The following LIMS4 variants were observed in gnomAD, a reference collection of about 807,000 sequenced individuals.
The protein encoded by LIMS4 is LIM and senescent cell antigen-like-containing domain protein 4.
chr2:110,387,960 CAAATTA>C, the LIMS4 span: 8 of 149,044 alleles, frequency 5.4e-5, no homozygotes, highest in Non-Finnish European at 1.0e-4. Flanking sequence ...TTTTCAGGAT[CAAATTA>C]AACACAACAA....
At chr2:110,425,023 C>G in the LIMS4 span, among the ~76,000 whole-genome samples, 65 of 143,566 alleles carry the variant, frequency 4.5e-4, 9 homozygotes, top group Admixed American at 3.4e-3. Context: ...TTTGCGGAAG[C>G]TTTATTCTTT....
chr2:110,411,185 C>T, the LIMS4 span, among the ~76,000 whole-genome samples: 1 of 66,486 alleles, frequency 1.5e-5, no homozygotes, highest in African/African-American at 7.2e-5. Context: ...AGATTACAGG[C>T]GTGACCCACA....
At chr2:110,360,686 C>G in the LIMS4 span, 1 of 1,601,050 alleles carries the variant, frequency 6.2e-7, no homozygotes, top group East Asian at 2.2e-5. Flanking sequence ...AAGGCAGCTT[C>G]AGTTTCAAAA....
the LIMS4 span, chr2:110,360,939 C>T: frequency 3.2e-5 from 49 of 1,516,104 alleles, 1 homozygote; most frequent in Admixed American, 5.4e-4. Flanking sequence ...GGGATGTGTT[C>T]GTGGAACTGC....
chr2:110,367,073 C>T, the LIMS4 span, among the ~76,000 whole-genome samples: 1 of 150,896 alleles, frequency 6.6e-6, no homozygotes, highest in African/African-American at 2.5e-5. Context: ...GAAATCAGAG[C>T]TGACCCAAAC....
the LIMS4 span, chr2:110,361,905 A>G: frequency 7.0e-7 from 1 of 1,435,330 alleles, no homozygotes; most frequent in Non-Finnish European, 9.7e-7. Context: ...AAGACTTCAC[A>G]GTGAGAACCT....
chr2:110,371,195 C>T, the LIMS4 span, among the ~76,000 whole-genome samples: 24 of 101,730 alleles, frequency 2.4e-4, no homozygotes, highest in South Asian at 5.5e-3. Flanking sequence ...AGCCTAAGTA[C>T]GTCAATACAA....
the LIMS4 span, chr2:110,397,407 G>T: frequency 6.8e-5 from 10 of 147,312 alleles, no homozygotes; most frequent in African/African-American, 2.6e-4. Flanking sequence ...ATGTGAAAAT[G>T]CTTCCTATAA....
the LIMS4 span, among the ~76,000 whole-genome samples, chr2:110,368,267 AACAT>A: frequency 6.7e-6 from 1 of 150,326 alleles, no homozygotes; most frequent in Non-Finnish European, 1.5e-5. Flanking sequence ...ATATATAGGT[AACAT>A]ACATAAATAT....
chr2:110,372,502 GTTTTTTATT>G, the LIMS4 span, among the ~76,000 whole-genome samples: 4 of 142,672 alleles, frequency 2.8e-5, no homozygotes, highest in Non-Finnish European at 5.9e-5. Context: ...TCTTTTTTAT[GTTTTTTATT>G]TTTTTTATTT....
At chr2:110,387,530 A>AT in the LIMS4 span, 2 of 305,760 alleles carry the variant, frequency 6.5e-6, no homozygotes, top group South Asian at 4.6e-5. Flanking sequence ...TTTATTTTTT[A>AT]TTTTTTTATA....
the LIMS4 span, among the ~76,000 whole-genome samples, chr2:110,410,544 C>A: frequency 2.5e-5 from 3 of 119,176 alleles, no homozygotes; most frequent in African/African-American, 1.1e-4. Flanking sequence ...AGAGAGATTA[C>A]AAATAGGCAT....
chr2:110,390,302 T>A, the LIMS4 span, among the ~76,000 whole-genome samples: 1 of 141,616 alleles, frequency 7.1e-6, no homozygotes, highest in Non-Finnish European at 1.5e-5. Context: ...AAGACCCCAG[T>A]GTGGGAGCCT....
At chr2:110,425,122 C>G in the LIMS4 span, among the ~76,000 whole-genome samples, 1 of 136,840 alleles carries the variant, frequency 7.3e-6, no homozygotes, top group South Asian at 2.2e-4. Context: ...GCTTCATTCT[C>G]GAAGACCAGG....
the LIMS4 span, among the ~76,000 whole-genome samples, chr2:110,366,738 A>C: frequency 6.6e-6 from 1 of 152,138 alleles, no homozygotes; most frequent in Non-Finnish European, 1.5e-5. Flanking sequence ...ATAGGAAGAC[A>C]GGAAGTCAAA....
At chr2:110,442,656 T>TATAC (rs1553509911), downstream of LIMS4, among the ~76,000 whole-genome samples, 1 of 128,832 alleles carries the variant, frequency 7.8e-6, no homozygotes, top group Non-Finnish European at 1.7e-5. Flanking sequence ...TACATATATA[T>TATAC]ACACACATAT....
chr2:110,425,242 C>A, the LIMS4 span, among the ~76,000 whole-genome samples: 6 of 143,306 alleles, frequency 4.2e-5, 2 homozygotes, highest in Non-Finnish European at 5.9e-5. Context: ...AAAAAAAGAG[C>A]TGGGCATGGT....
chr2:110,360,688 G>A, the LIMS4 span: 3 of 1,601,616 alleles, frequency 1.9e-6, no homozygotes, highest in Non-Finnish European at 2.6e-6. Context: ...GGCAGCTTCA[G>A]TTTCAAAAGT....
At chr2:110,367,178 T>C in the LIMS4 span, among the ~76,000 whole-genome samples, 8 of 150,282 alleles carry the variant, frequency 5.3e-5, no homozygotes, top group African/African-American at 1.8e-4. Context: ...TCAATGTTAT[T>C]CCTATCAAAC....
Sources: gnomAD v4.1 joint callset for allele counts (sites outside exome capture counted in the v4.1 genomes callset) on GRCh38, gnomAD v4.1.1 for gene constraint, MANE v1.5 for transcripts, NCBI Gene and HGNC (gene_info 2026-07-23, HGNC 2026-07-21) for gene names.